The following NPFFR1 variants were observed in gnomAD, a reference collection of about 807,000 sequenced individuals.
NPFFR1 encodes the protein neuropeptide FF receptor 1.
A neutral mutation model predicts 12.7 loss-of-function variants in NPFFR1; 17 were observed. That is an observed-to-expected ratio of 1.34 (90% CI 0.92 to 2.01). NPFFR1 has a LOEUF of 2.01. NPFFR1 is among the 30% of genes most tolerant of loss of function. NPFFR1 has a pLI of 0.00. For synonymous variants in NPFFR1, 296 were observed against 264.5 expected (o/e 1.12, Z -1.16); for missense variants, 604 against 606.5 (o/e 1.00, Z 0.04).
intron 1 of NPFFR1, among the ~76,000 whole-genome samples, chr10:70,278,462 A>T (rs1389224355): frequency 1.3e-5 from 2 of 152,186 alleles, no homozygotes; most frequent in African/African-American, 4.8e-5. Flanking sequence ...TGGTATGTTG[A>T]GATAACCTTA....
chr10:70,278,104 G>T, intron 1 of NPFFR1: 2 of 458,900 alleles, frequency 4.4e-6, no homozygotes, highest in Non-Finnish European at 8.8e-6. Flanking sequence ...CTGAGTGATA[G>T]AAAGTTCTTC....
rs772589756 is a variant in NPFFR1 at position 70,254,701 on chromosome 10, G to C, written c.*256C>G. ...AGAGAAGACAACCTATCTCCAAAGC[G>C]TTGTGACAATTCAGTGAGATGATGT... is the stretch of plus-strand genomic sequence containing the variant. On this transcript the variant is annotated 3_prime_UTR_variant, in exon 4 of 4. Coordinates refer to ENST00000277942, the MANE Select transcript of NPFFR1 (RefSeq NM_022146.5). The C allele has an allele frequency of 2.5e-6, 1 of 401,008 alleles. No individual in the cohort carries two copies. Among genetic ancestry groups the C allele is most frequent in the African/African-American group, 2.1e-5 (1 of 48,666 alleles). The allele number at this position is 401,008 out of a possible 1,614,324, so 24.8% of individuals were successfully genotyped here. A position where few individuals can be genotyped will look rare whatever the true frequency, so the allele number is the denominator to read the frequency against.
chr10:70,269,638 A>T (rs1456856904), intron 1 of NPFFR1, among the ~76,000 whole-genome samples: 1 of 151,678 alleles, frequency 6.6e-6, no homozygotes, highest in Non-Finnish European at 1.5e-5. Flanking sequence ...TAGCCTCCTG[A>T]GTAGCTGGGA....
intron 3 of NPFFR1, 26 bp downstream of exon 3, chr10:70,260,614 C>A: frequency 6.3e-7 from 1 of 1,582,750 alleles, no homozygotes; most frequent in Non-Finnish European, 8.6e-7. Context: ...TTGGCTCAGG[C>A]ATAATCCAGC....
chr10:70,279,180 C>T (rs1480088825), intron 1 of NPFFR1, among the ~76,000 whole-genome samples: 1 of 152,100 alleles, frequency 6.6e-6, no homozygotes, highest in Non-Finnish European at 1.5e-5. Context: ...GTGACCGAGT[C>T]TCGCTCTGTC....
At chr10:70,269,784 T>G (rs931635848) in intron 1 of NPFFR1, among the ~76,000 whole-genome samples, 3 of 152,174 alleles carry the variant, frequency 2.0e-5, no homozygotes, top group Non-Finnish European at 4.4e-5. Context: ...CCTCATTGCA[T>G]TTTAAATACA....
intron 1 of NPFFR1, among the ~76,000 whole-genome samples, chr10:70,268,263 T>G (rs1053204762): frequency 2.6e-5 from 4 of 152,030 alleles, no homozygotes; most frequent in Non-Finnish European, 5.9e-5. Flanking sequence ...AAATAAGGAC[T>G]CAAAAAAACA....
chr10:70,262,446 C>T (rs1011971382), intron 2 of NPFFR1, among the ~76,000 whole-genome samples: 1 of 152,142 alleles, frequency 6.6e-6, no homozygotes, highest in Non-Finnish European at 1.5e-5. Flanking sequence ...TCTGTACTGT[C>T]ATTACTAAAC....
At chr10:70,272,244 G>GAAAGAAAGA (rs60571634) in intron 1 of NPFFR1, among the ~76,000 whole-genome samples, 7,459 of 63,444 alleles carry the variant, frequency 0.12, 659 homozygotes, top group East Asian at 0.16. Context: ...AAGAAAGAAA[G>GAAAGAAAGA]AAGAAAGAAG....
rs1476532302 is a variant in NPFFR1 at position 70,248,823 on chromosome 10, G to C, written c.*6134C>G. The C allele has an allele frequency of 2.6e-5, 4 of 151,990 alleles. No individual in the cohort carries two copies. Among genetic ancestry groups the C allele is most frequent in the Non-Finnish European group, 5.9e-5 (4 of 67,984 alleles). 9.4% of individuals were successfully genotyped at this position (151,990 alleles called of 1,614,324 possible). On this transcript the variant is annotated 3_prime_UTR_variant, in exon 4 of 4. Transcript: ENST00000277942. Reference sequence around the variant, plus strand: ...TTAATAGACACTGAATACATGTTTTGAGTTAACCAGAAATTTAATTATTGA... The same window carrying C: ...TTAATAGACACTGAATACATGTTTTCAGTTAACCAGAAATTTAATTATTGA...
chr10:70,271,992 C>T (rs1386204422), intron 1 of NPFFR1, among the ~76,000 whole-genome samples: 1 of 151,838 alleles, frequency 6.6e-6, no homozygotes, highest in Non-Finnish European at 1.5e-5. Context: ...TGGTGGGCCC[C>T]TGTAGTCCCA....
intron 2 of NPFFR1, among the ~76,000 whole-genome samples, chr10:70,264,366 C>CAAAAAAAAAAAAAAAAA (rs56178146): frequency 1.3e-5 from 1 of 74,588 alleles, no homozygotes; most frequent in African/African-American, 5.5e-5. Context: ...AGTGAGACTC[C>CAAAAAAAAAAAAAAAAA]AAAAAAAAAA....
At chr10:70,274,688 A>G (rs982084467) in intron 1 of NPFFR1, among the ~76,000 whole-genome samples, 9 of 152,166 alleles carry the variant, frequency 5.9e-5, no homozygotes, top group African/African-American at 1.9e-4. Flanking sequence ...TCGAATGTGG[A>G]TGACCTGGGC....
chr10:70,280,297 TC>T (rs1221814664), intron 1 of NPFFR1, among the ~76,000 whole-genome samples: 4 of 152,220 alleles, frequency 2.6e-5, no homozygotes, highest in Non-Finnish European at 5.9e-5. Flanking sequence ...TTGAGGAACC[TC>T]CATACTATTC....
In NPFFR1 at chr10:70,247,510, A is replaced by G. The variant is rs185207955; in HGVS notation, c.*7447T>C. The G allele has an allele frequency of 2.2e-4, 33 of 152,306 alleles. No individual in the cohort carries two copies. The highest frequency in any genetic ancestry group is 7.2e-4 in the African/African-American group (30 of 41,562). 9.4% of individuals were successfully genotyped at this position (152,306 alleles called of 1,614,324 possible). A position where few individuals can be genotyped will look rare whatever the true frequency, so the allele number is the denominator to read the frequency against. On this transcript the variant is annotated 3_prime_UTR_variant, in exon 4 of 4. Coordinates refer to ENST00000277942, the MANE Select transcript of NPFFR1 (RefSeq NM_022146.5). ...ACACAACATACTCCTCCTGGGGGGC[A>G]GTCAAAACACAGAAATGTAGATCGC...
chr10:70,262,028 C>T (rs756112527), intron 2 of NPFFR1, among the ~76,000 whole-genome samples: 7 of 152,164 alleles, frequency 4.6e-5, no homozygotes, highest in African/African-American at 1.2e-4. Flanking sequence ...TCTCATTGTA[C>T]CAAAGAAATA....
rs531971524 is a variant in NPFFR1, at chr10:70,277,479, T to A, written c.7+6191A>T. 7.2e-5 allele frequency among the ~76,000 whole-genome samples: 11 copies of A among 152,298 alleles called. No individual in the cohort carries two copies. In the South Asian group the frequency reaches 2.1e-3, roughly 29 times the overall value. ...GGCACAGAGACTCTGGCAGGAGCAT[T>A]TCCAAGGAGCATATGGAGAAGCAGC... is the stretch of plus-strand genomic sequence containing the variant. On this transcript the variant is annotated intron_variant, in intron 1 of 3. Transcript: ENST00000277942.
Position 70,254,809 on chromosome 10 carries a change from G to C in NPFFR1, c.*148C>G. ...TACTGAGGGTGAAGGCAGCAGAGAA[G>C]ACATCACCAGCAGCTGCCCACCACT... On this transcript the variant is annotated 3_prime_UTR_variant, in exon 4 of 4. Transcript: ENST00000277942. 2.1e-6 allele frequency: 2 copies of C among 941,338 alleles called. No individual in the cohort carries two copies. The highest frequency in any genetic ancestry group is 2.8e-6 in the Non-Finnish European group (2 of 703,824). The allele number at this position is 941,338 out of a possible 1,614,324, so 58.3% of individuals were successfully genotyped here. A position where few individuals can be genotyped will look rare whatever the true frequency, so the allele number is the denominator to read the frequency against.
chr10:70,282,063 C>T (rs972920745), intron 1 of NPFFR1, among the ~76,000 whole-genome samples: 2 of 152,112 alleles, frequency 1.3e-5, no homozygotes, highest in African/African-American at 4.8e-5. Context: ...TTTTCTGGCA[C>T]TTCCTTCATT....
Sources: gnomAD v4.1 joint callset for allele counts (sites outside exome capture counted in the v4.1 genomes callset) on GRCh38, gnomAD v4.1.1 for gene constraint, MANE v1.5 for transcripts, NCBI Gene and HGNC (gene_info 2026-07-23, HGNC 2026-07-21) for gene names.